The following MID1 variants were observed in gnomAD, a reference collection of about 807,000 sequenced individuals.
MID1 encodes E3 ubiquitin-protein ligase Midline-1.
Under a neutral mutation model 40.4 loss-of-function variants are expected in MID1, and 7 were observed. The observed-to-expected ratio is 0.17, with a 90% confidence interval of 0.10 to 0.33. MID1 has a LOEUF of 0.33. Among genes scored for constraint, MID1 ranks in the 10% least tolerant of loss-of-function variants. The probability of loss-of-function intolerance (pLI) is 1.00; values close to 1 mark genes in which losing one functional copy is unlikely to be tolerated. For synonymous variants in MID1, 229 were observed against 221.2 expected, an observed-to-expected ratio of 1.04 and a Z score of -0.31; for missense variants, 367 against 558.5, an observed-to-expected ratio of 0.66 and a Z score of 3.46.
chrX:10,790,015 A>C (rs1395781548), intron 1 of MID1, among the ~76,000 whole-genome samples: 4 of 110,872 alleles, frequency 3.6e-5, no homozygotes. Context: ...GTGATCCCCA[A>C]ATCATTTTCC....
At chrX:10,616,206 C>A (rs1935835663) in intron 1 of MID1, among the ~76,000 whole-genome samples, 1 of 112,042 alleles carries the variant, frequency 8.9e-6, no homozygotes, top group African/African-American at 3.2e-5. Context: ...AAAATAAAAA[C>A]GTTCATACTT....
chrX:10,787,655 C>G (rs2043897367), intron 1 of MID1, among the ~76,000 whole-genome samples: 1 of 99,281 alleles, frequency 1.0e-5, no homozygotes, highest in Non-Finnish European at 2.0e-5. Context: ...AAACAATCCT[C>G]TCGGCTAAGC....
chrX:10,583,755 AG>A (rs1157255824), intron 1 of MID1, among the ~76,000 whole-genome samples: 4 of 112,018 alleles, frequency 3.6e-5, no homozygotes, highest in Admixed American at 2.8e-4. Context: ...GATTTAGGCC[AG>A]GTACGGTGGC....
chrX:10,762,693 C>T (rs1180269040), intron 1 of MID1, among the ~76,000 whole-genome samples: 1 of 111,211 alleles, frequency 9.0e-6, no homozygotes, highest in East Asian at 2.8e-4. Context: ...CCTTGGCCTC[C>T]CAAAGTGCTA....
chrX:10,551,220 A>G (rs968548542), intron 2 of MID1, among the ~76,000 whole-genome samples: 2 of 112,361 alleles, frequency 1.8e-5, no homozygotes, highest in African/African-American at 3.2e-5. Flanking sequence ...AAATGTAACC[A>G]TTTATTGTTT....
chrX:10,497,202 C>T (rs1931300671), intron 3 of MID1, among the ~76,000 whole-genome samples: 1 of 112,307 alleles, frequency 8.9e-6, no homozygotes, highest in African/African-American at 3.2e-5. Context: ...CTGACTACAA[C>T]TGAGTTATGA....
chrX:10,704,739 T>TACACACACACACACAC (rs1189463440), intron 1 of MID1, among the ~76,000 whole-genome samples: 2 of 82,184 alleles, frequency 2.4e-5, no homozygotes, highest in African/African-American at 1.1e-4. Flanking sequence ...TATATATATA[T>TACACACACACACACAC]ACACACACAC....
At chrX:10,499,222 C>A (rs761154523) in intron 3 of MID1, among the ~76,000 whole-genome samples, 1 of 111,927 alleles carries the variant, frequency 8.9e-6, no homozygotes, top group East Asian at 2.8e-4. Context: ...TTTTCGTGAA[C>A]TTACTGGACA....
In MID1 at chrX:10,510,855, GAA is replaced by G. The variant is rs1169765316; in HGVS notation, c.756+12235_756+12236del. Among the ~76,000 whole-genome samples, 4 of 78,487 alleles carry G rather than the reference GAA, an allele frequency of 5.1e-5. No homozygotes were observed. The South Asian group carries it at 1.9e-3, about 36-fold the overall frequency. The allele number at this position is 78,487 out of a possible 115,157, so 68.2% of individuals were successfully genotyped here. Reference sequence around the variant, plus strand: ...CAAAAAAAAAAAAAAAAAAAAAAAAGAAAATGCTGAAACCTAAGGTTTTTTGA... The same window carrying G: ...CAAAAAAAAAAAAAAAAAAAAAAAAGAATGCTGAAACCTAAGGTTTTTTGA... On this transcript the variant is annotated intron_variant, in intron 3 of 9. Coordinates refer to ENST00000317552, the MANE Select transcript of MID1 (RefSeq NM_000381.4).
intron 1 of MID1, among the ~76,000 whole-genome samples, chrX:10,747,650 C>A (rs1052376733): frequency 8.9e-6 from 1 of 112,111 alleles, no homozygotes; most frequent in African/African-American, 3.2e-5. Context: ...CATAACTTTC[C>A]ATTTACCTAA....
At chrX:10,757,743 T>C (rs1188413134) in intron 1 of MID1, among the ~76,000 whole-genome samples, 1 of 111,493 alleles carries the variant, frequency 9.0e-6, no homozygotes, top group Non-Finnish European at 1.9e-5. Context: ...GAAATGGAAC[T>C]CTATCGAAAT....
intron 1 of MID1, among the ~76,000 whole-genome samples, chrX:10,760,686 A>G (rs1195048722): frequency 9.0e-6 from 1 of 111,311 alleles, no homozygotes; most frequent in Non-Finnish European, 1.9e-5. Flanking sequence ...GCTGGATGTT[A>G]TGGTGCCTGC....
chrX:10,590,960 G>C (rs1322420048), intron 1 of MID1, among the ~76,000 whole-genome samples: 2 of 111,330 alleles, frequency 1.8e-5, no homozygotes, highest in Admixed American at 9.5e-5. Context: ...AATTCTCATT[G>C]AAATGCATTT....
At chrX:10,811,129 TGTC>T (rs1300187548) in intron 1 of MID1, among the ~76,000 whole-genome samples, 2 of 111,613 alleles carry the variant, frequency 1.8e-5, no homozygotes, top group African/African-American at 6.5e-5. Flanking sequence ...ATGACAACAA[TGTC>T]ATCATCTTTT....
intron 5 of MID1, among the ~76,000 whole-genome samples, chrX:10,476,807 G>A (rs1930039856): frequency 9.0e-6 from 1 of 111,462 alleles, no homozygotes; most frequent in Non-Finnish European, 1.9e-5. Flanking sequence ...TTGCACCCTG[G>A]GGAATTGGGC....
At chrX:10,724,974 G>C (rs1225903885) in intron 1 of MID1, among the ~76,000 whole-genome samples, 1 of 112,054 alleles carries the variant, frequency 8.9e-6, no homozygotes, top group Non-Finnish European at 1.9e-5. Flanking sequence ...TGAAACCTGT[G>C]GGGGTATTAG....
chrX:10,583,817 C>T (rs1935073519), intron 1 of MID1, among the ~76,000 whole-genome samples: 1 of 110,172 alleles, frequency 9.1e-6, no homozygotes, highest in South Asian at 3.9e-4. Flanking sequence ...TGGATCACGA[C>T]ATTAGGAGTT....
chrX:10,535,124 G>T (rs971407818), intron 2 of MID1, among the ~76,000 whole-genome samples: 2 of 111,845 alleles, frequency 1.8e-5, no homozygotes, highest in African/African-American at 6.5e-5. Flanking sequence ...TAGGGGAGTA[G>T]TTCCCATTCT....
Position 10,527,397 on chromosome X carries a change from T to C in MID1, c.661-4210A>G, listed in dbSNP as rs540535954. On this transcript the variant is annotated intron_variant, in intron 2 of 9. Coordinates refer to ENST00000317552, the MANE Select transcript of MID1 (RefSeq NM_000381.4). The stretch of plus-strand genomic sequence containing the variant: ...TTTCCCATCCATAATGTATGGATAA[T>C]GATAAATCTACCTATCTATACTATT... Among the ~76,000 whole-genome samples the C allele has an allele frequency of 1.2e-3, 135 of 112,018 alleles. No homozygotes were observed. The Middle Eastern group carries it at 0.014, about 11-fold the overall frequency.
Sources: gnomAD v4.1 joint callset for allele counts (sites outside exome capture counted in the v4.1 genomes callset) on GRCh38, gnomAD v4.1.1 for gene constraint, MANE v1.5 for transcripts, NCBI Gene and HGNC (gene_info 2026-07-23, HGNC 2026-07-21) for gene names.